The following TMOD1 variants were observed in gnomAD, a reference collection of about 807,000 sequenced individuals.
TMOD1 encodes the protein tropomodulin 1.
TMOD1 carries 17 observed loss-of-function variants against 40.6 expected under a neutral mutation model. The ratio of observed to expected loss-of-function variants is 0.42; its 90% CI spans 0.29 to 0.63. TMOD1 has a LOEUF of 0.63. Ranked by LOEUF, TMOD1 falls within the 20% of genes least tolerant of loss-of-function variation. The pLI is 0.22. For missense variants in TMOD1, 391 were observed against 447.6 expected, an observed-to-expected ratio of 0.87 and a Z score of 1.14; for synonymous variants, 181 against 175.0, an observed-to-expected ratio of 1.03 and a Z score of -0.27.
intron 3 of TMOD1, among the ~76,000 whole-genome samples, chr9:97,548,608 G>A (rs572731128): frequency 2.0e-5 from 3 of 152,280 alleles, no homozygotes; most frequent in East Asian, 3.9e-4. Flanking sequence ...GTGAGGGATG[G>A]GGAAGGGAGT....
In TMOD1 at chr9:97,600,609, G is replaced by A. The variant is rs148420423; in HGVS notation, c.*911G>A. On this transcript the variant is annotated 3_prime_UTR_variant, in exon 10 of 10. Coordinates refer to ENST00000259365, the MANE Select transcript of TMOD1 (RefSeq NM_003275.4). ...CAGATCAACATGGCTATGGTATTTAGTAATGGCCCAGCTTAGAGACTTCAG... is the reference window on the plus strand; with the variant it reads ...CAGATCAACATGGCTATGGTATTTAATAATGGCCCAGCTTAGAGACTTCAG... 4,539 of 986,908 alleles carry A rather than the reference G, an allele frequency of 4.6e-3. 20 individuals are homozygous for A. The highest frequency in any genetic ancestry group is 5.1e-3 in the Non-Finnish European group (4,259 of 830,988). 61.1% of individuals were successfully genotyped at this position (986,908 alleles called of 1,614,324 possible). A position where few individuals can be genotyped will look rare whatever the true frequency, so the allele number is the denominator to read the frequency against.
At chr9:97,576,629 CTTTTT>C (rs11326860) in intron 8 of TMOD1, among the ~76,000 whole-genome samples, 11 of 144,638 alleles carry the variant, frequency 7.6e-5, no homozygotes, top group African/African-American at 2.8e-4. Context: ...ATGATGGTTA[CTTTTT>C]TTTTTTTTTC....
At chr9:97,515,520 T>C (rs1304506661) in intron 1 of TMOD1, among the ~76,000 whole-genome samples, 1 of 152,164 alleles carries the variant, frequency 6.6e-6, no homozygotes, top group Non-Finnish European at 1.5e-5. Context: ...GCTCAAGCAA[T>C]CCATCCACCT....
chr9:97,565,816 G>A lies in TMOD1; in HGVS notation c.619-32G>A, dbSNP rs73656825. ...TCAGCCTGTCCCAGAGGAGGCTTCT[G>A]GTCACTCTCTCTGTTGCCTTTCTTT... On this transcript the variant is annotated intron_variant, in intron 6 of 9. Transcript: ENST00000259365. The A allele has an allele frequency of 7.0e-4, 1,091 of 1,564,828 alleles. 12 individuals are homozygous for A. The African/African-American group carries it at 0.013, about 19-fold the overall frequency.
Position 97,600,188 on chromosome 9 carries a change from A to G in TMOD1, c.*490A>G. 1.0e-6 allele frequency: 1 copy of G among 996,034 alleles called. No individual in the cohort carries two copies. Among genetic ancestry groups the G allele is most frequent in the Non-Finnish European group, 1.2e-6 (1 of 835,142 alleles). 61.7% of individuals were successfully genotyped at this position (996,034 alleles called of 1,614,324 possible). A position where few individuals can be genotyped will look rare whatever the true frequency, so the allele number is the denominator to read the frequency against. On this transcript the variant is annotated 3_prime_UTR_variant, in exon 10 of 10. Coordinates refer to ENST00000259365, the MANE Select transcript of TMOD1 (RefSeq NM_003275.4). ...CCTCCTTGGAATTTTGAAAACCTCG[A>G]TTAAAGTTGCCAAATTGATTACTGG...
At chr9:97,524,841 C>T (rs1481016927) in intron 2 of TMOD1, among the ~76,000 whole-genome samples, 1 of 147,222 alleles carries the variant, frequency 6.8e-6, no homozygotes, top group Non-Finnish European at 1.5e-5. Context: ...AGGTCTTCAA[C>T]TGATTGGATG....
chr9:97,546,412 C>A (rs755308776), intron 3 of TMOD1, 71 bp downstream of exon 3: 22 of 1,498,048 alleles, frequency 1.5e-5, no homozygotes, highest in Non-Finnish European at 2.0e-5. Flanking sequence ...TATGCCAGGC[C>A]CTGCCAGGCC....
At chr9:97,506,551 A>G (rs545575294) in intron 1 of TMOD1, among the ~76,000 whole-genome samples, 21 of 152,294 alleles carry the variant, frequency 1.4e-4, no homozygotes, top group African/African-American at 4.6e-4. Flanking sequence ...CAGAGACCAC[A>G]CCTATTCTGC....
At chr9:97,586,872 G>T (rs999133828) in intron 8 of TMOD1, among the ~76,000 whole-genome samples, 2 of 152,158 alleles carry the variant, frequency 1.3e-5, no homozygotes, top group African/African-American at 4.8e-5. Context: ...GCTCGCGCAC[G>T]GTGCACGCAC....
chr9:97,503,542 T>A (rs1297982612), intron 1 of TMOD1, among the ~76,000 whole-genome samples: 1 of 152,216 alleles, frequency 6.6e-6, no homozygotes, highest in Non-Finnish European at 1.5e-5. Context: ...TGGTGTATTA[T>A]CTTTAATGAG....
chr9:97,502,596 C>G lies in TMOD1; in HGVS notation c.-49+793C>G, dbSNP rs1393411103. Among the ~76,000 whole-genome samples, 1 of 152,162 alleles carries G rather than the reference C, an allele frequency of 6.6e-6. No homozygotes were observed. The highest frequency in any genetic ancestry group is 1.5e-5 in the Non-Finnish European group (1 of 68,022). On this transcript the variant is annotated intron_variant, in intron 1 of 9. Coordinates refer to ENST00000259365, the MANE Select transcript of TMOD1 (RefSeq NM_003275.4). The surrounding 1 kb of genome is among the most constrained non-coding windows in gnomAD (Gnocchi z 6.1). The stretch of plus-strand genomic sequence containing the variant: ...GGCGCGCTCTTGGCCGCCTGCGCTC[C>G]CCACACCTGTTCACCCTCTCCGGGC...
At chr9:97,520,788 G>A (rs1829902699) in intron 1 of TMOD1, among the ~76,000 whole-genome samples, 2 of 152,152 alleles carry the variant, frequency 1.3e-5, no homozygotes, top group Admixed American at 1.3e-4. Context: ...CCTCAGGGTG[G>A]CATCTCTAGG....
intron 8 of TMOD1, among the ~76,000 whole-genome samples, chr9:97,577,319 G>A (rs942593742): frequency 6.6e-6 from 1 of 152,124 alleles, no homozygotes; most frequent in Non-Finnish European, 1.5e-5. Context: ...AGTTCCTCTC[G>A]TCAGTCCTAC....
At chr9:97,534,126 G>T (rs565516445) in intron 2 of TMOD1, among the ~76,000 whole-genome samples, 1 of 152,212 alleles carries the variant, frequency 6.6e-6, no homozygotes, top group African/African-American at 2.4e-5. Flanking sequence ...TCATATCATT[G>T]CCTGGAACTT....
chr9:97,601,240 C>CTGT lies in TMOD1; in HGVS notation c.*1545_*1547dup, dbSNP rs1826251589. On this transcript the variant is annotated 3_prime_UTR_variant, in exon 10 of 10. Transcript: ENST00000259365. ...TGAAAACTGCAATATAATATTAAAT[C>CTGT]TGTTGGTCTATGCATGGCTGCGTAT... is the stretch of plus-strand genomic sequence containing the variant. 1 of 1,258,624 alleles carries CTGT rather than the reference C, an allele frequency of 7.9e-7. No homozygotes were observed. Among genetic ancestry groups the CTGT allele is most frequent in the African/African-American group, 1.5e-5 (1 of 64,998 alleles). The allele number at this position is 1,258,624 out of a possible 1,614,324, so 78.0% of individuals were successfully genotyped here.
intron 1 of TMOD1, among the ~76,000 whole-genome samples, chr9:97,511,787 G>A (rs577703928): frequency 3.3e-5 from 5 of 152,210 alleles, no homozygotes; most frequent in African/African-American, 1.2e-4. Context: ...GTCTCACCGT[G>A]TTGCCCAGGC....
At chr9:97,512,712 C>T (rs939540656) in intron 1 of TMOD1, 1 of 149,624 alleles carries the variant, frequency 6.7e-6, no homozygotes, top group African/African-American at 2.4e-5. Flanking sequence ...GTTCAAAAAG[C>T]CAAAACTAAT....
intron 9 of TMOD1, among the ~76,000 whole-genome samples, chr9:97,598,634 C>T (rs969513548): frequency 3.3e-5 from 5 of 152,204 alleles, no homozygotes; most frequent in African/African-American, 1.2e-4. Context: ...AGAAGTTGGA[C>T]ATTCTGATCA....
At chr9:97,549,619 T>C (rs1305021032) in intron 3 of TMOD1, among the ~76,000 whole-genome samples, 1 of 152,252 alleles carries the variant, frequency 6.6e-6, no homozygotes, top group Non-Finnish European at 1.5e-5. Flanking sequence ...ATGATTCTGT[T>C]GTGTGTTTTG....
Sources: allele counts gnomAD v4.1 joint callset (sites outside exome capture counted in the v4.1 genomes callset), GRCh38; gene constraint gnomAD v4.1.1; non-coding constraint Gnocchi (gnomAD v3.1); transcripts MANE v1.5; gene names NCBI Gene and HGNC (gene_info 2026-07-23, HGNC 2026-07-21).